Variants in ADCY2 observed in about 807,000 individuals in gnomAD.
The protein encoded by ADCY2 is adenylate cyclase 2, also known as adenylate cyclase type 2.
In ADCY2, 31 loss-of-function variants were observed where a neutral mutation model predicts 125.2. That is an observed-to-expected ratio of 0.25 (90% CI 0.19 to 0.33). The LOEUF (loss-of-function observed/expected upper bound fraction) is 0.33, where lower values mean the gene tolerates loss of function less well. ADCY2 is among the 10% of genes least tolerant of loss of function. The probability of loss-of-function intolerance (pLI) is 1.00; values close to 1 mark genes in which losing one functional copy is unlikely to be tolerated. For missense variants in ADCY2, 904 were observed against 1,418.2 expected (o/e 0.64, Z 5.82); for synonymous variants, 512 against 548.4 (o/e 0.93, Z 0.93).
At chr5:7,652,619 C>A (rs1339695077) in intron 4 of ADCY2, among the ~76,000 whole-genome samples, 1 of 152,142 alleles carries the variant, frequency 6.6e-6, no homozygotes, top group Non-Finnish European at 1.5e-5. Flanking sequence ...CTATAGAATT[C>A]CTTTTGTCAG....
chr5:7,476,005 C>T (rs1197316566), intron 2 of ADCY2, among the ~76,000 whole-genome samples: 2 of 152,156 alleles, frequency 1.3e-5, no homozygotes, highest in South Asian at 2.1e-4. Context: ...TTTTTCAACC[C>T]GTTGGTATTA....
chr5:7,567,933 C>T (rs1735956392), intron 3 of ADCY2, among the ~76,000 whole-genome samples: 1 of 93,112 alleles, frequency 1.1e-5, no homozygotes. Context: ...CTCTCTTTCT[C>T]TCTCTCTCTC....
At chr5:7,765,472 G>A (rs755666977) in intron 16 of ADCY2, among the ~76,000 whole-genome samples, 12 of 151,970 alleles carry the variant, frequency 7.9e-5, no homozygotes, top group Admixed American at 1.3e-4. Flanking sequence ...AATCTACTAC[G>A]TTTCTTTGAT....
intron 2 of ADCY2, among the ~76,000 whole-genome samples, chr5:7,483,246 A>G (rs943573678): frequency 2.6e-5 from 4 of 152,178 alleles, no homozygotes; most frequent in Non-Finnish European, 4.4e-5. Context: ...ATTATATATT[A>G]TATGCATGTA....
At chr5:7,783,441 C>G (rs529045484) in intron 18 of ADCY2, among the ~76,000 whole-genome samples, 1 of 152,040 alleles carries the variant, frequency 6.6e-6, no homozygotes, top group East Asian at 1.9e-4. Context: ...CAAACCCAGG[C>G]TCTCTTGCTT....
intron 18 of ADCY2, 100 bp downstream of exon 18, chr5:7,773,201 A>T: frequency 8.0e-7 from 1 of 1,249,404 alleles, no homozygotes; most frequent in East Asian, 2.4e-5. Flanking sequence ...TGTCATTGTC[A>T]TTGATAAATC....
At chr5:7,558,985 C>G (rs372678335) in intron 3 of ADCY2, among the ~76,000 whole-genome samples, 2 of 152,060 alleles carry the variant, frequency 1.3e-5, no homozygotes, top group Non-Finnish European at 2.9e-5. Context: ...CAGACAGTTG[C>G]AGGTGTGTGG....
chr5:7,602,514 T>C (rs902773766), intron 3 of ADCY2, among the ~76,000 whole-genome samples: 51 of 152,320 alleles, frequency 3.3e-4, no homozygotes, highest in African/African-American at 1.1e-3. Context: ...GCCCAAGTTC[T>C]ACCTACAAGA....
intron 4 of ADCY2, among the ~76,000 whole-genome samples, chr5:7,670,090 G>A (rs1435911415): frequency 6.6e-6 from 1 of 152,084 alleles, no homozygotes. Context: ...TTAATATTTT[G>A]GGTTTTAATG....
intron 3 of ADCY2, among the ~76,000 whole-genome samples, chr5:7,581,246 G>A (rs142718244): frequency 8.4e-4 from 128 of 152,252 alleles, no homozygotes; most frequent in African/African-American, 3.0e-3. Flanking sequence ...TGAAAAATTT[G>A]TAATATTTGC....
At chr5:7,589,524 GAGAA>G (rs140962254) in intron 3 of ADCY2, among the ~76,000 whole-genome samples, 5,005 of 67,872 alleles carry the variant, frequency 0.074, 263 homozygotes, top group East Asian at 0.27. Flanking sequence ...AGAAAAGAAA[GAGAA>G]AGAAAGAAAG....
rs1025747232 is a variant in ADCY2, at chr5:7,483,646, G to A, written c.409-37092G>A. Among the ~76,000 whole-genome samples, 7 of 152,250 alleles carry A rather than the reference G, an allele frequency of 4.6e-5. No homozygotes were observed. The South Asian group carries it at 8.3e-4, about 18-fold the overall frequency. ...GGAGATGACATGGCATGGGAGTGCC[G>A]GGTGGAAGGTGCTAGAATGTGCCAT... is the stretch of plus-strand genomic sequence containing the variant. On this transcript the variant is annotated intron_variant, in intron 2 of 24. Transcript: ENST00000338316.
At chr5:7,540,528 A>T (rs568225679) in intron 3 of ADCY2, among the ~76,000 whole-genome samples, 3 of 152,326 alleles carry the variant, frequency 2.0e-5, no homozygotes, top group African/African-American at 7.2e-5. Flanking sequence ...TTCGGATTTC[A>T]TGAAGCACAT....
chr5:7,510,076 A>G (rs962407396), intron 2 of ADCY2, among the ~76,000 whole-genome samples: 2 of 152,240 alleles, frequency 1.3e-5, no homozygotes, highest in African/African-American at 2.4e-5. Flanking sequence ...GAAAAAGGCC[A>G]GAGTCTCATG....
intron 4 of ADCY2, among the ~76,000 whole-genome samples, chr5:7,636,616 A>G (rs906217082): frequency 2.0e-5 from 3 of 152,244 alleles, no homozygotes; most frequent in African/African-American, 4.8e-5. Context: ...AGTAAGACCA[A>G]TCTAAATTTA....
chr5:7,602,630 A>G (rs1004927397), intron 3 of ADCY2, among the ~76,000 whole-genome samples: 2 of 152,322 alleles, frequency 1.3e-5, no homozygotes, highest in Admixed American at 6.5e-5. Flanking sequence ...TTCATAAAAC[A>G]GCTAACTTTT....
At chr5:7,757,411 CT>C (rs1266419318) in intron 15 of ADCY2, 37 bp from the exon 16 acceptor site, 48 of 1,603,302 alleles carry the variant, frequency 3.0e-5, no homozygotes, top group Non-Finnish European at 4.0e-5. Context: ...AAGTCATCAG[CT>C]AGCAATGCTT....
intron 3 of ADCY2, among the ~76,000 whole-genome samples, chr5:7,533,266 G>A (rs1339271462): frequency 6.6e-6 from 1 of 151,612 alleles, no homozygotes; most frequent in Non-Finnish European, 1.5e-5. Flanking sequence ...GGTTTAAATT[G>A]TATTTCATAA....
chr5:7,774,934 G>C (rs1357475105), intron 18 of ADCY2, among the ~76,000 whole-genome samples: 1 of 152,140 alleles, frequency 6.6e-6, no homozygotes, highest in South Asian at 2.1e-4. Flanking sequence ...TGAAATAATT[G>C]CATCATGGAG....
Sources: allele counts gnomAD v4.1 joint callset (sites outside exome capture counted in the v4.1 genomes callset), GRCh38; gene constraint gnomAD v4.1.1; transcripts MANE v1.5; gene names NCBI Gene and HGNC (gene_info 2026-07-23, HGNC 2026-07-21).